SLC12A2: variants seen among roughly 807,000 people sequenced by gnomAD.
The protein encoded by SLC12A2 is Na-K-2Cl cotransporter 1.
A neutral mutation model predicts 136.3 loss-of-function variants in SLC12A2; 67 were observed. The ratio of observed to expected loss-of-function variants is 0.49; its 90% confidence interval spans 0.40 to 0.60. The LOEUF is 0.60. Among genes scored for constraint, SLC12A2 ranks in the 20% least tolerant of loss-of-function variants. The probability of loss-of-function intolerance (pLI) is 0.00; values close to 1 mark genes in which losing one functional copy is unlikely to be tolerated. For synonymous variants in SLC12A2, 619 were observed against 562.9 expected, an observed-to-expected ratio of 1.10 and a Z score of -1.41; for missense variants, 1,322 against 1,534.7, an observed-to-expected ratio of 0.86 and a Z score of 2.32.
chr5:128,150,473 G>T lies in SLC12A2; in HGVS notation c.2107+375G>T, dbSNP rs149130404. Among the ~76,000 whole-genome samples the T allele has an allele frequency of 3.9e-3, 595 of 151,648 alleles. 4 individuals carry two copies. The highest frequency in any genetic ancestry group is 0.014 in the African/African-American group (572 of 41,468). On this transcript the variant is annotated intron_variant, in intron 13 of 26. Transcript: ENST00000262461. Reference sequence around the variant, plus strand: ...GATGAGTTCTGTAAAATTCTGAAAAGGAATTTTAAAATTTTAATTTTAAAA... The same window carrying T: ...GATGAGTTCTGTAAAATTCTGAAAATGAATTTTAAAATTTTAATTTTAAAA...
intron 15 of SLC12A2, among the ~76,000 whole-genome samples, chr5:128,156,330 T>C (rs899570538): frequency 1.3e-5 from 2 of 152,166 alleles, no homozygotes; most frequent in African/African-American, 4.8e-5. Context: ...CCAGTGCTGT[T>C]GTGCTCCAGA....
At chr5:128,103,389 T>C (rs1760814448) in intron 1 of SLC12A2, among the ~76,000 whole-genome samples, 2 of 152,178 alleles carry the variant, frequency 1.3e-5, no homozygotes, top group Non-Finnish European at 2.9e-5. Flanking sequence ...TGAGCCTATC[T>C]CTGACTTGAG....
In SLC12A2 at chr5:128,084,241, C is replaced by T. The variant is rs1759959372; in HGVS notation, c.287C>T (p.Ala96Val). The T allele has an allele frequency of 2.5e-6, 3 of 1,198,500 alleles. No individual in the cohort carries two copies. Among genetic ancestry groups the T allele is most frequent in the South Asian group, 3.3e-5 (1 of 29,968 alleles). 74.2% of individuals were successfully genotyped at this position (1,198,500 alleles called of 1,614,324 possible). Residue 96 changes from alanine (A) to valine (V), a missense_variant, in exon 1 of 27, where the codon GCG becomes GTG. By Grantham distance (64) the Ala-to-Val change is moderately conservative. Around this residue, in one of 8 missense-constraint regions of SLC12A2, gnomAD observed 358 missense variants for 299.7 expected, o/e 1.19. Transcript: ENST00000262461. This position sits in a 1 kb window ranked among gnomAD's most constrained non-coding sequence, Gnocchi z 5.6. Reference sequence around the variant, plus strand: ...GAGAACGCCGGGCGGGCCGCTGCTGCGGCGGCGGCGGCGGCGGCGGCAGCG... The same window carrying T: ...GAGAACGCCGGGCGGGCCGCTGCTGTGGCGGCGGCGGCGGCGGCGGCAGCG... ...VSENAGRAAA[A>V]AAAAAAAAAA...
At chr5:128,127,592 T>TTATC (rs1199650209) in intron 4 of SLC12A2, among the ~76,000 whole-genome samples, 1 of 152,106 alleles carries the variant, frequency 6.6e-6, no homozygotes, top group East Asian at 1.9e-4. Flanking sequence ...GCAGGAGTGC[T>TTATC]TATCACAAAT....
chr5:128,103,143 T>G (rs926232691), intron 1 of SLC12A2, among the ~76,000 whole-genome samples: 1 of 152,224 alleles, frequency 6.6e-6, no homozygotes, highest in Non-Finnish European at 1.5e-5. Context: ...GTGCATTTTT[T>G]CAACTTGAAA....
intron 10 of SLC12A2, among the ~76,000 whole-genome samples, chr5:128,142,739 G>A (rs1762414519): frequency 6.6e-6 from 1 of 151,932 alleles, no homozygotes; most frequent in Admixed American, 6.6e-5. Flanking sequence ...TTTGAGGTCA[G>A]GTAGATTAAT....
At chr5:128,151,190 T>C (rs1762688347) in intron 13 of SLC12A2, 51 bp from the exon 14 acceptor site, 3 of 1,522,134 alleles carry the variant, frequency 2.0e-6, no homozygotes, top group Admixed American at 2.0e-5. Flanking sequence ...TGTACCATTG[T>C]GTAAAGCAGA....
In SLC12A2 at chr5:128,138,913, A is replaced by G. The variant is rs771571817; in HGVS notation, c.1621+5A>G. On this transcript the variant is annotated splice_donor_5th_base_variant and intron_variant, in intron 9 of 26. Transcript: ENST00000262461. ...TAGGAATTGCAGTATCTGTAGGTAAATAGTTTCACATTTCTTTATGTGTCG... is the reference window on the plus strand; with the variant it reads ...TAGGAATTGCAGTATCTGTAGGTAAGTAGTTTCACATTTCTTTATGTGTCG... 5 of 1,581,430 alleles carry G rather than the reference A, an allele frequency of 3.2e-6. No individual in the cohort carries two copies. The highest frequency in any genetic ancestry group is 3.5e-6 in the Non-Finnish European group (4 of 1,152,224).
At chr5:128,102,623 T>C (rs1760786435) in intron 1 of SLC12A2, among the ~76,000 whole-genome samples, 4 of 108,562 alleles carry the variant, frequency 3.7e-5, no homozygotes, top group East Asian at 3.3e-4. Flanking sequence ...TTTTTTTTTT[T>C]TTTTCTTTTG....
rs79306725 is a variant in SLC12A2 at position 128,112,982 on chromosome 5, A to G, written c.876+49A>G. 2,563 of 1,478,468 alleles carry G rather than the reference A, an allele frequency of 1.7e-3. 34 individuals are homozygous for G. In the African/African-American group the frequency reaches 0.031, roughly 18 times the overall value. 91.6% of individuals were successfully genotyped at this position (1,478,468 alleles called of 1,614,324 possible). On this transcript the variant is annotated intron_variant, in intron 2 of 26. Coordinates refer to ENST00000262461, the MANE Select transcript of SLC12A2 (RefSeq NM_001046.3). ...TATAGTTACAGCATATCTGTTGGTT[A>G]TAAAATCTTCCTAACGTTCTCATCA... is the stretch of plus-strand genomic sequence containing the variant.
chr5:128,160,501 A>G (rs898926252), intron 16 of SLC12A2, among the ~76,000 whole-genome samples: 3 of 152,216 alleles, frequency 2.0e-5, no homozygotes. Context: ...GGGAAGTAAT[A>G]TCTCTGGTAT....
intron 20 of SLC12A2, 111 bp downstream of exon 20, chr5:128,174,777 C>A: frequency 3.6e-6 from 3 of 835,354 alleles, no homozygotes; most frequent in Non-Finnish European, 5.2e-6. Context: ...CAAACTTGTA[C>A]TGGTCATTTC....
intron 23 of SLC12A2, 49 bp downstream of exon 23, chr5:128,181,043 C>A: frequency 9.5e-7 from 1 of 1,047,902 alleles, no homozygotes; most frequent in Non-Finnish European, 1.5e-6. Context: ...CACTTCATTG[C>A]TACAGTATAA....
intron 1 of SLC12A2, among the ~76,000 whole-genome samples, chr5:128,109,010 A>G (rs936445805): frequency 6.6e-6 from 1 of 152,228 alleles, no homozygotes. Context: ...ATGAACTACT[A>G]TCCTAAATGT....
At chr5:128,164,803 T>G (rs1763149560) in intron 17 of SLC12A2, among the ~76,000 whole-genome samples, 1 of 151,926 alleles carries the variant, frequency 6.6e-6, no homozygotes, top group South Asian at 2.1e-4. Flanking sequence ...TATTTATCAT[T>G]AAACTAGCAA....
At chr5:128,172,574 A>G (rs1190298980) in intron 19 of SLC12A2, among the ~76,000 whole-genome samples, 3 of 152,208 alleles carry the variant, frequency 2.0e-5, no homozygotes, top group Non-Finnish European at 4.4e-5. Flanking sequence ...CAAGAATGGT[A>G]TGTAAATAAT....
At position 128,094,981 on chromosome 5, in the gene SLC12A2, C is replaced by G. The variant is rs946498521; in HGVS notation, c.756+10271C>G. On this transcript the variant is annotated intron_variant, in intron 1 of 26. Transcript: ENST00000262461. ...TCACAGAAAGATATATTAGATAGTG[C>G]TGTCAAGGGAGGTGATATCTAAAAT... Among the ~76,000 whole-genome samples, 23 of 152,112 alleles carry G rather than the reference C, an allele frequency of 1.5e-4. 1 individual carries two copies. The highest frequency in any genetic ancestry group is 6.2e-4 in the South Asian group (3 of 4,832).
chr5:128,122,941 G>T (rs1048957938), intron 4 of SLC12A2, among the ~76,000 whole-genome samples: 2 of 151,884 alleles, frequency 1.3e-5, no homozygotes, highest in Admixed American at 6.6e-5. Context: ...GTATTATGAG[G>T]TTTATTAAAT....
Position 128,138,675 on chromosome 5 carries a change from C to T in SLC12A2, c.1487C>T (p.Pro496Leu). ...TFFSVFAIFFPAATGILAGAN... is the reference protein window; with the variant it reads ...TFFSVFAIFFLAATGILAGAN... ...TTTTCTGTATTTGCCATCTTTTTTC[C>T]TGCTGCAACTGGTATTCTGGCTGGA... Residue 496 changes from proline to leucine, a missense_variant, in exon 8 of 27, where the codon CCT becomes CTT. Transcript: ENST00000262461. The T allele has an allele frequency of 6.2e-7, 1 of 1,613,542 alleles. No homozygotes were observed. The highest frequency in any genetic ancestry group is 8.5e-7 in the Non-Finnish European group (1 of 1,179,732).
Sources: allele counts gnomAD v4.1 joint callset (sites outside exome capture counted in the v4.1 genomes callset), GRCh38; gene constraint gnomAD v4.1.1; regional missense constraint gnomAD v4.1.1; non-coding constraint Gnocchi (gnomAD v3.1); transcripts MANE v1.5; gene names NCBI Gene and HGNC (gene_info 2026-07-23, HGNC 2026-07-21).